CCDC57: variants seen among roughly 807,000 people sequenced by gnomAD.
CCDC57 encodes the protein coiled-coil domain containing 57, also known as coiled-coil domain-containing protein 57.
In CCDC57, 118 loss-of-function variants were observed where a neutral mutation model predicts 118.9. The observed-to-expected ratio is 0.99, with a 90% CI of 0.86 to 1.16. The LOEUF (loss-of-function observed/expected upper bound fraction) is 1.16, where lower values mean the gene tolerates loss of function less well. Among genes scored for constraint, CCDC57 ranks in the 50% most tolerant of loss-of-function variants. The probability of loss-of-function intolerance (pLI) is 0.00; values close to 1 mark genes in which losing one functional copy is unlikely to be tolerated. For synonymous variants in CCDC57, 527 were observed against 532.9 expected, an observed-to-expected ratio of 0.99 and a Z score of 0.15; for missense variants, 1,300 against 1,320.7, an observed-to-expected ratio of 0.98 and a Z score of 0.24.
intron 19 of CCDC57, chr17:82,113,590 C>G (rs1339090469): frequency 2.8e-6 from 2 of 717,610 alleles, no homozygotes; most frequent in South Asian, 3.0e-5. Flanking sequence ...CTGGAGCCCA[C>G]GTGCTCCTTA....
Position 82,127,571 on chromosome 17 carries a change from A to G in CCDC57, c.2899+121T>C. ...GAGACTCCATGCATTACTCAACCAAAGTGCAGGGATTTCAGGGTGCAGGAG... is the reference window on the plus strand; with the variant it reads ...GAGACTCCATGCATTACTCAACCAAGGTGCAGGGATTTCAGGGTGCAGGAG... On this transcript the variant is annotated intron_variant, in intron 19 of 19. Transcript: ENST00000665763. 7 of 1,454,016 alleles carry G rather than the reference A, an allele frequency of 4.8e-6. No individual in the cohort carries two copies. In the South Asian group the frequency reaches 9.7e-5, roughly 20 times the overall value. The allele number at this position is 1,454,016 out of a possible 1,614,324, so 90.1% of individuals were successfully genotyped here.
At chr17:82,159,629 T>A (rs912406815) in intron 14 of CCDC57, among the ~76,000 whole-genome samples, 1 of 152,058 alleles carries the variant, frequency 6.6e-6, no homozygotes, top group African/African-American at 2.4e-5. Flanking sequence ...TTTCAAAACA[T>A]CATGTCGCAT....
At chr17:82,153,032 G>C (rs952121756) in intron 15 of CCDC57, among the ~76,000 whole-genome samples, 1 of 152,246 alleles carries the variant, frequency 6.6e-6, no homozygotes, top group Non-Finnish European at 1.5e-5. Flanking sequence ...ACAGGCCTGA[G>C]CCCGAGTCCA....
At chr17:82,208,924 A>G (rs1391531719) in intron 1 of CCDC57, among the ~76,000 whole-genome samples, 1 of 152,172 alleles carries the variant, frequency 6.6e-6, no homozygotes, top group Non-Finnish European at 1.5e-5. Flanking sequence ...GATGGAGTGC[A>G]GTGGCACAAT....
chr17:82,196,871 A>C (rs935150051), intron 4 of CCDC57, among the ~76,000 whole-genome samples: 21 of 149,106 alleles, frequency 1.4e-4, no homozygotes, highest in Non-Finnish European at 1.2e-4. Flanking sequence ...GCAGAGACGC[A>C]GCCCCTCATG....
chr17:82,106,153 C>G (rs550441081), intron 19 of CCDC57: 1 of 152,508 alleles, frequency 6.6e-6, no homozygotes, highest in African/African-American at 2.4e-5. Context: ...TGGGCCCCAT[C>G]CCAGCCCTTG....
chr17:82,154,808 G>A (rs954843296), intron 15 of CCDC57: 6 of 151,642 alleles, frequency 4.0e-5, no homozygotes, highest in African/African-American at 1.2e-4. Flanking sequence ...AGAGCCCAGG[G>A]TCCCACGTGG....
intron 4 of CCDC57, among the ~76,000 whole-genome samples, chr17:82,197,218 C>T (rs112738829): frequency 0.012 from 1,818 of 151,544 alleles, 32 homozygotes; most frequent in African/African-American, 0.041. Context: ...CCTGCAGAGA[C>T]GCAGCCCCTC....
rs546072396 is a variant in CCDC57, at chr17:82,194,033, A to G, written c.725T>C (p.Leu242Pro). The G allele has an allele frequency of 3.7e-6, 6 of 1,613,430 alleles. No individual in the cohort carries two copies. The South Asian group carries it at 6.6e-5, about 18-fold the overall frequency. ...CTGGAGCTCCCCGGCTCGGCTCTGG[A>G]GCTTCCTCTCCAGCTCGGCGTTGGT... The change falls in exon 6 of 20, where the codon CTC becomes CCC. Residue 242 changes from leucine (L) to proline (P), a missense_variant. Transcript: ENST00000665763.
At chr17:82,132,014 A>T (rs1364974437) in intron 17 of CCDC57, among the ~76,000 whole-genome samples, 2 of 150,186 alleles carry the variant, frequency 1.3e-5, no homozygotes, top group South Asian at 2.1e-4. Context: ...GCTACTTGGG[A>T]GGCTGAGGCA....
intron 7 of CCDC57, among the ~76,000 whole-genome samples, chr17:82,190,059 A>C (rs1026882640): frequency 6.6e-6 from 1 of 152,110 alleles, no homozygotes; most frequent in African/African-American, 2.4e-5. Context: ...CCGTGTGAGC[A>C]GTTTGTCTCT....
At chr17:82,134,391 A>G in intron 16 of CCDC57, 197 bp from the exon 16 acceptor site, 1 of 422,872 alleles carries the variant, frequency 2.4e-6, no homozygotes, top group Non-Finnish European at 4.0e-6. Context: ...TTGCACACAC[A>G]ATGCCACGCC....
At chr17:82,147,038 G>A (rs541998564) in intron 16 of CCDC57, among the ~76,000 whole-genome samples, 2 of 152,346 alleles carry the variant, frequency 1.3e-5, no homozygotes, top group South Asian at 4.1e-4. Context: ...AGGAACTGAA[G>A]AAGGCAGAAA....
chr17:82,168,710 T>C (rs1278317956), intron 13 of CCDC57, among the ~76,000 whole-genome samples: 1 of 151,514 alleles, frequency 6.6e-6, no homozygotes, highest in African/African-American at 2.4e-5. Flanking sequence ...GATTAATTAA[T>C]ATCAGACAAG....
chr17:82,177,829 G>C (rs1045644738), intron 11 of CCDC57, among the ~76,000 whole-genome samples: 3 of 152,138 alleles, frequency 2.0e-5, no homozygotes, highest in African/African-American at 7.2e-5. Context: ...CCAGGCCTGC[G>C]CGTTCTACTG....
At chr17:82,197,046 T>TGCAGCCCCTCGTGACTCCTGCAGAGAC (rs1253184267) in intron 4 of CCDC57, among the ~76,000 whole-genome samples, 1 of 97,040 alleles carries the variant, frequency 1.0e-5, no homozygotes, top group Non-Finnish European at 2.0e-5. Flanking sequence ...CCTGCAGAGA[T>TGCAGCCCCTCGTGACTCCTGCAGAGAC]GCAGCCCCTC....
chr17:82,193,384 T>C (rs900711865), intron 7 of CCDC57, among the ~76,000 whole-genome samples: 5 of 151,910 alleles, frequency 3.3e-5, no homozygotes, highest in Admixed American at 3.3e-4. Context: ...CTGTCTCTAC[T>C]AAAAATACAA....
chr17:82,112,916 A>G (rs1208001574), intron 19 of CCDC57: 1 of 162,712 alleles, frequency 6.1e-6, no homozygotes, highest in African/African-American at 2.4e-5. Flanking sequence ...CTAGTTGTTC[A>G]TGGAGGAACA....
intron 19 of CCDC57, chr17:82,107,475 C>G (rs368281184): frequency 2.1e-6 from 1 of 470,312 alleles, no homozygotes; most frequent in Non-Finnish European, 4.4e-6. Flanking sequence ...GCACACGGGG[C>G]GAGGTTAGCA....
Sources: allele counts gnomAD v4.1 joint callset (sites outside exome capture counted in the v4.1 genomes callset), GRCh38; gene constraint gnomAD v4.1.1; transcripts MANE v1.5; gene names NCBI Gene and HGNC (gene_info 2026-07-23, HGNC 2026-07-21).